LDLRAD4: variants seen among roughly 807,000 people sequenced by gnomAD.
The protein encoded by LDLRAD4 is low-density lipoprotein receptor class A domain-containing protein 4.
A neutral mutation model predicts 17.0 loss-of-function variants in LDLRAD4; 5 were observed. The observed-to-expected ratio is 0.29, with a 90% confidence interval of 0.15 to 0.62. LDLRAD4 has a LOEUF of 0.62. Ranked by LOEUF, LDLRAD4 falls within the 20% of genes least tolerant of loss-of-function variation. The pLI, the probability that LDLRAD4 is intolerant of heterozygous loss-of-function variation, is 0.84. For missense variants in LDLRAD4, 340 were observed against 424.7 expected, an observed-to-expected ratio of 0.80 and a Z score of 1.75; for synonymous variants, 168 against 171.8, an observed-to-expected ratio of 0.98 and a Z score of 0.17.
chr18:13,433,106 G>A (rs2090447971), intron 2 of LDLRAD4, among the ~76,000 whole-genome samples: 1 of 152,180 alleles, frequency 6.6e-6, no homozygotes, highest in African/African-American at 2.4e-5. Context: ...TGTCACCTCT[G>A]TACTAGGAAA....
rs2084120422 is a variant in LDLRAD4 at position 13,367,188 on chromosome 18, C to G, written c.-382-20153C>G. ...TGGGAAGGAGGTTTTGCAATCCCCT[C>G]CAGCCCCACTCCGTTACAACCAGTG... On this transcript the variant is annotated intron_variant, in intron 1 of 5. Coordinates refer to ENST00000359446, the Ensembl canonical transcript of LDLRAD4. This position sits in a 1 kb window ranked among gnomAD's most constrained non-coding sequence, Gnocchi z 4.1. 6.6e-6 allele frequency among the ~76,000 whole-genome samples: 1 copy of G among 152,192 alleles called. No individual in the cohort carries two copies. The highest frequency in any genetic ancestry group is 6.5e-5 in the Admixed American group (1 of 15,284).
rs550914344 is a variant in LDLRAD4 at position 13,397,295 on chromosome 18, C to T, written c.40+9533C>T. 3.9e-5 allele frequency among the ~76,000 whole-genome samples: 6 copies of T among 152,320 alleles called. No homozygotes were observed. In the South Asian group the frequency reaches 1.0e-3, roughly 26 times the overall value. ...AGTAGCTGGGACTACAGGCACCCGC[C>T]ACCACACCTGCCTAATTTTTTGTAT... On this transcript the variant is annotated intron_variant, in intron 2 of 5. Coordinates refer to ENST00000359446, the Ensembl canonical transcript of LDLRAD4.
intron 3 of LDLRAD4, among the ~76,000 whole-genome samples, chr18:13,571,131 A>C (rs549386998): frequency 6.6e-6 from 1 of 152,228 alleles, no homozygotes; most frequent in African/African-American, 2.4e-5. Flanking sequence ...GCCCTTTCTA[A>C]GTGTGGAGTT....
At chr18:13,421,830 A>AG (rs1482892101) in intron 2 of LDLRAD4, among the ~76,000 whole-genome samples, 1 of 152,176 alleles carries the variant, frequency 6.6e-6, no homozygotes, top group East Asian at 1.9e-4. Flanking sequence ...TGCCCTTCAG[A>AG]GTGCCAGAAA....
At chr18:13,575,582 C>T (rs2031639168) in intron 3 of LDLRAD4, among the ~76,000 whole-genome samples, 2 of 152,164 alleles carry the variant, frequency 1.3e-5, no homozygotes, top group Admixed American at 6.5e-5. Flanking sequence ...TGGGTAGATA[C>T]CCAGTAGTGG....
At chr18:13,383,753 T>G (rs1446266874) in intron 1 of LDLRAD4, among the ~76,000 whole-genome samples, 1 of 152,106 alleles carries the variant, frequency 6.6e-6, no homozygotes, top group East Asian at 1.9e-4. Flanking sequence ...CACCCTGCGC[T>G]GCCTGTTGGT....
intron 1 of LDLRAD4, among the ~76,000 whole-genome samples, chr18:13,369,834 A>G (rs931436625): frequency 6.6e-6 from 1 of 152,220 alleles, no homozygotes; most frequent in African/African-American, 2.4e-5. Flanking sequence ...TTACGCACAC[A>G]GATACAGATG....
chr18:13,536,825 AC>A (rs1431241402), intron 3 of LDLRAD4, among the ~76,000 whole-genome samples: 7 of 152,182 alleles, frequency 4.6e-5, no homozygotes, highest in Admixed American at 1.3e-4. Flanking sequence ...GGTAGTTTTT[AC>A]AATAAGTAAA....
At chr18:13,364,761 T>C (rs1211665786) in intron 1 of LDLRAD4, among the ~76,000 whole-genome samples, 1 of 152,204 alleles carries the variant, frequency 6.6e-6, no homozygotes, top group Non-Finnish European at 1.5e-5. Context: ...CTGGCGATGC[T>C]GTGAGTGGTA....
In LDLRAD4 at chr18:13,544,795, G is replaced by A. The variant is rs2094335695; in HGVS notation, c.182-76322G>A. Among the ~76,000 whole-genome samples, 2 of 151,654 alleles carry A rather than the reference G, an allele frequency of 1.3e-5. 1 individual carries two copies. The highest frequency in any genetic ancestry group is 4.2e-4 in the South Asian group (2 of 4,798). On this transcript the variant is annotated intron_variant, in intron 3 of 5. Transcript: ENST00000359446. ...TTTTGCACAGACCAAGGAGAGGCTA[G>A]GTCCAACCGTTTCAGCTGCCGCCAG... is the stretch of plus-strand genomic sequence containing the variant.
At chr18:13,346,528 TGGTGC>T (rs1428055542) in intron 1 of LDLRAD4, among the ~76,000 whole-genome samples, 1 of 152,170 alleles carries the variant, frequency 6.6e-6, no homozygotes, top group Non-Finnish European at 1.5e-5. Flanking sequence ...AGGTGTGGTG[TGGTGC>T]TGAAAAGAAT....
At chr18:13,506,336 C>T (rs943695276) in intron 3 of LDLRAD4, among the ~76,000 whole-genome samples, 11 of 151,774 alleles carry the variant, frequency 7.2e-5, no homozygotes, top group South Asian at 2.1e-4. Context: ...TCGTCATTTA[C>T]ATTAGGTATA....
intron 4 of LDLRAD4, among the ~76,000 whole-genome samples, chr18:13,627,467 G>C (rs2041278852): frequency 6.6e-6 from 1 of 152,126 alleles, no homozygotes; most frequent in African/African-American, 2.4e-5. Context: ...GCCATCTGTG[G>C]GTTTGCACGT....
At chr18:13,575,019 CA>C (rs1285806056) in intron 3 of LDLRAD4, among the ~76,000 whole-genome samples, 1 of 152,142 alleles carries the variant, frequency 6.6e-6, no homozygotes, top group Non-Finnish European at 1.5e-5. Flanking sequence ...AATGAACAAA[CA>C]AAAACCTAAA....
chr18:13,487,726 A>C (rs768442922), intron 3 of LDLRAD4: 1 of 152,332 alleles, frequency 6.6e-6, no homozygotes, highest in Non-Finnish European at 1.5e-5. Context: ...CTGTAATGTC[A>C]TGTTGGGTGT....
chr18:13,372,794 T>C (rs1413233997), intron 1 of LDLRAD4, among the ~76,000 whole-genome samples: 1 of 152,238 alleles, frequency 6.6e-6, no homozygotes, highest in Non-Finnish European at 1.5e-5. Flanking sequence ...TAAAGTTTTA[T>C]TGGCATGTAG....
exon 6 of LDLRAD4, chr18:13,650,555 T>G (rs377048316): frequency 2.5e-6 from 1 of 395,166 alleles, no homozygotes. Context: ...CGCCCCCTCC[T>G]GCACTTGATG....
intron 3 of LDLRAD4, among the ~76,000 whole-genome samples, chr18:13,607,008 G>T (rs1179869350): frequency 6.6e-6 from 1 of 152,188 alleles, no homozygotes; most frequent in African/African-American, 2.4e-5. Flanking sequence ...AAAAAATCGG[G>T]TAATCAGGCT....
chr18:13,524,963 A>T (rs1254461219), intron 3 of LDLRAD4, among the ~76,000 whole-genome samples: 1 of 152,224 alleles, frequency 6.6e-6, no homozygotes, highest in Non-Finnish European at 1.5e-5. Flanking sequence ...AAAGCTGCTT[A>T]TATCTTCACT....
Sources: gnomAD v4.1 joint callset for allele counts (sites outside exome capture counted in the v4.1 genomes callset) on GRCh38, gnomAD v4.1.1 for gene constraint, Gnocchi (gnomAD v3.1) non-coding constraint, MANE v1.5 for transcripts, NCBI Gene and HGNC (gene_info 2026-07-23, HGNC 2026-07-21) for gene names.